Variants in FGF13 observed in about 807,000 individuals in gnomAD.
FGF13 encodes the protein fibroblast growth factor 13, also known as fibroblast growth factor homologous factor 2.
FGF13 carries 2 observed loss-of-function variants against 19.5 expected under a neutral mutation model. The observed-to-expected ratio is 0.10, with a 90% confidence interval of 0.04 to 0.32. FGF13 has a LOEUF of 0.32. Among genes scored for constraint, FGF13 ranks in the 10% least tolerant of loss-of-function variants. FGF13 has a pLI of 1.00. For synonymous variants in FGF13, 72 were observed against 76.9 expected, an observed-to-expected ratio of 0.94 and a Z score of 0.33; for missense variants, 113 against 192.7, an observed-to-expected ratio of 0.59 and a Z score of 2.45.
chrX:139,051,043 C>A (rs867236848), intron 1 of FGF13, among the ~76,000 whole-genome samples: 13 of 111,603 alleles, frequency 1.2e-4, no homozygotes, highest in African/African-American at 4.2e-4. Context: ...TACTGGAGAC[C>A]CACCAAATAT....
At chrX:138,771,532 G>A (rs372302466) in intron 3 of FGF13, among the ~76,000 whole-genome samples, 4 of 111,127 alleles carry the variant, frequency 3.6e-5, no homozygotes, top group South Asian at 3.8e-4. Flanking sequence ...CTCTATTTTT[G>A]TTTGCTACAT....
intron 1 of FGF13, among the ~76,000 whole-genome samples, chrX:139,132,974 A>G (rs1266719939): frequency 1.8e-5 from 2 of 111,542 alleles, no homozygotes; most frequent in Non-Finnish European, 3.8e-5. Flanking sequence ...AGCACTTTCC[A>G]ATGTATATCC....
intron 3 of FGF13, among the ~76,000 whole-genome samples, chrX:138,767,408 A>G (rs1161413343): frequency 8.9e-6 from 1 of 111,779 alleles, no homozygotes; most frequent in Non-Finnish European, 1.9e-5. Context: ...TAAAATTCAA[A>G]TTCTTACCCA....
downstream of FGF13, among the ~76,000 whole-genome samples, chrX:138,854,079 G>A (rs969197861): frequency 2.7e-5 from 3 of 111,410 alleles, no homozygotes; most frequent in African/African-American, 9.8e-5. Flanking sequence ...CTCCTGGAGC[G>A]GTAAGAAAAA....
intron 1 of FGF13, among the ~76,000 whole-genome samples, chrX:139,051,260 C>T (rs1027879469): frequency 8.9e-6 from 1 of 111,932 alleles, no homozygotes. Context: ...AACTGGCTAA[C>T]ATATCACAGA....
At chrX:138,947,628 T>A (rs747891657) in intron 1 of FGF13, among the ~76,000 whole-genome samples, 51 of 111,627 alleles carry the variant, frequency 4.6e-4, no homozygotes, top group Non-Finnish European at 8.9e-4. Flanking sequence ...TCTCTGTGTA[T>A]ACTACGAGGC....
intron 1 of FGF13, among the ~76,000 whole-genome samples, chrX:139,106,056 A>G (rs2083557934): frequency 8.9e-6 from 1 of 112,272 alleles, no homozygotes; most frequent in African/African-American, 3.2e-5. Flanking sequence ...AGATAGAGTG[A>G]CACTGCATGG....
At chrX:139,142,962 G>C in intron 1 of FGF13, among the ~76,000 whole-genome samples, 2 of 111,851 alleles carry the variant, frequency 1.8e-5, no homozygotes, top group Middle Eastern at 9.2e-3. Flanking sequence ...AGAAATATTT[G>C]CAAGTAGAGG....
At chrX:138,813,960 C>T (rs1269987325) in intron 3 of FGF13, among the ~76,000 whole-genome samples, 1 of 110,662 alleles carries the variant, frequency 9.0e-6, no homozygotes, top group Non-Finnish European at 1.9e-5. Flanking sequence ...AAAATTTGTT[C>T]TTCTCTGCTT....
chrX:138,661,840 T>C (rs750683780), intron 3 of FGF13, among the ~76,000 whole-genome samples: 12 of 111,692 alleles, frequency 1.1e-4, no homozygotes, highest in Admixed American at 2.9e-4. Flanking sequence ...TAATGAGAAA[T>C]AGAATCAAGC....
At chrX:139,041,897 C>T (rs2092271155) in intron 1 of FGF13, among the ~76,000 whole-genome samples, 1 of 111,992 alleles carries the variant, frequency 8.9e-6, no homozygotes, top group Non-Finnish European at 1.9e-5. Flanking sequence ...TAATAAACCT[C>T]AAAAGCATGT....
At chrX:139,186,020 C>A (rs1603234023) in intron 1 of FGF13, among the ~76,000 whole-genome samples, 1 of 111,588 alleles carries the variant, frequency 9.0e-6, no homozygotes, top group East Asian at 2.8e-4. Context: ...ATAAGAAAGA[C>A]TAAATAGGCT....
chrX:138,980,165 G>A (rs1479085679), intron 1 of FGF13, among the ~76,000 whole-genome samples: 2 of 111,331 alleles, frequency 1.8e-5, no homozygotes, highest in East Asian at 5.6e-4. Context: ...TTTTAGAGGG[G>A]ATATAAGCAA....
chrX:138,971,788 G>T (rs184314755), intron 1 of FGF13, among the ~76,000 whole-genome samples: 1 of 111,225 alleles, frequency 9.0e-6, no homozygotes, highest in East Asian at 2.8e-4. Context: ...ACTCTGCTGC[G>T]CAATAGAACA....
chrX:138,739,768 G>T (rs1269706879), upstream of FGF13, among the ~76,000 whole-genome samples: 4 of 111,454 alleles, frequency 3.6e-5, no homozygotes, highest in African/African-American at 1.3e-4. Flanking sequence ...AATTATTGAT[G>T]AATAGAAAAC....
intron 1 of FGF13, among the ~76,000 whole-genome samples, chrX:139,163,358 C>A (rs948518820): frequency 9.1e-6 from 1 of 110,034 alleles, no homozygotes; most frequent in Non-Finnish European, 1.9e-5. Flanking sequence ...CACATGGACA[C>A]AGGAAGGGGA....
intron 1 of FGF13, among the ~76,000 whole-genome samples, chrX:138,981,114 C>T (rs1159069940): frequency 9.0e-6 from 1 of 110,862 alleles, no homozygotes. Context: ...GCTATGAGAA[C>T]ACAGAAAAGG....
intron 3 of FGF13, among the ~76,000 whole-genome samples, chrX:138,647,026 C>A (rs774912666): frequency 2.3e-4 from 26 of 110,778 alleles, no homozygotes; most frequent in Non-Finnish European, 4.2e-4. Context: ...AGTTGTCTCC[C>A]CTTTGCTGGA....
At chrX:138,670,541 A>G (rs1016602974) in intron 3 of FGF13, among the ~76,000 whole-genome samples, 1 of 112,014 alleles carries the variant, frequency 8.9e-6, no homozygotes, top group Admixed American at 9.5e-5. Context: ...ATAGAAATAC[A>G]TGCACAAGAT....
Sources: allele counts gnomAD v4.1 joint callset (sites outside exome capture counted in the v4.1 genomes callset), GRCh38; gene constraint gnomAD v4.1.1; transcripts MANE v1.5; gene names NCBI Gene and HGNC (gene_info 2026-07-23, HGNC 2026-07-21).